The following DNM3 variants were observed in gnomAD, a reference collection of about 807,000 sequenced individuals.
DNM3 encodes dynamin-3.
In DNM3, 47 loss-of-function variants were observed where a neutral mutation model predicts 101.6. The ratio of observed to expected loss-of-function variants is 0.46; its 90% CI spans 0.37 to 0.59. The LOEUF (loss-of-function observed/expected upper bound fraction) is 0.59. Ranked by LOEUF, DNM3 falls within the 20% of genes least tolerant of loss-of-function variation. The probability of loss-of-function intolerance (pLI) is 0.00; values close to 1 mark genes in which losing one functional copy is unlikely to be tolerated. For synonymous variants in DNM3, 385 were observed against 387.9 expected, an observed-to-expected ratio of 0.99 and a Z score of 0.09; for missense variants, 849 against 1,085.7, an observed-to-expected ratio of 0.78 and a Z score of 3.06.
chr1:172,395,003 G>A (rs2149096385), intron 20 of DNM3, among the ~76,000 whole-genome samples: 1 of 152,262 alleles, frequency 6.6e-6, no homozygotes, highest in Admixed American at 6.5e-5. Flanking sequence ...TTTTTACAGG[G>A]AAACCTTCAC....
chr1:172,020,244 C>T (rs548309721), intron 4 of DNM3, among the ~76,000 whole-genome samples: 1 of 152,112 alleles, frequency 6.6e-6, no homozygotes, highest in Non-Finnish European at 1.5e-5. Context: ...TCCTGCCCCA[C>T]CCCTTTAGGT....
intron 1 of DNM3, among the ~76,000 whole-genome samples, chr1:171,845,006 G>A (rs2124955991): frequency 6.6e-6 from 1 of 152,244 alleles, no homozygotes; most frequent in African/African-American, 2.4e-5. Context: ...CCCCAAAGAG[G>A]TAGGTACTCT....
At chr1:172,202,288 T>C (rs1310834817) in intron 14 of DNM3, among the ~76,000 whole-genome samples, 1 of 152,204 alleles carries the variant, frequency 6.6e-6, no homozygotes, top group East Asian at 1.9e-4. Flanking sequence ...ATTGGTATAA[T>C]TTCTTCTCTA....
chr1:172,192,053 G>A (rs2059746720), intron 14 of DNM3, among the ~76,000 whole-genome samples: 1 of 152,144 alleles, frequency 6.6e-6, no homozygotes, highest in Non-Finnish European at 1.5e-5. Flanking sequence ...TGGTGAGAGA[G>A]GGCATCCCTG....
At chr1:171,915,437 A>G (rs980904462) in intron 1 of DNM3, among the ~76,000 whole-genome samples, 2 of 152,148 alleles carry the variant, frequency 1.3e-5, no homozygotes, top group Admixed American at 6.5e-5. Context: ...CAAATAGACA[A>G]GAGAGGGTGA....
intron 14 of DNM3, among the ~76,000 whole-genome samples, chr1:172,215,960 TAA>T (rs35363776): frequency 7.3e-6 from 1 of 136,844 alleles, no homozygotes. Flanking sequence ...ACACTCTCTT[TAA>T]AAAAAAAAGA....
chr1:172,185,330 G>T (rs760594003), intron 14 of DNM3, among the ~76,000 whole-genome samples: 14 of 152,122 alleles, frequency 9.2e-5, no homozygotes, highest in Non-Finnish European at 1.6e-4. Context: ...TCACTGGGGA[G>T]TAGAATTGGA....
At chr1:172,295,495 C>T (rs1573339275) in intron 15 of DNM3, among the ~76,000 whole-genome samples, 2 of 130,720 alleles carry the variant, frequency 1.5e-5, no homozygotes, top group Non-Finnish European at 3.3e-5. Context: ...CTTCTAAATT[C>T]TTCAAGAAGT....
intron 14 of DNM3, among the ~76,000 whole-genome samples, chr1:172,163,218 G>A (rs1387343719): frequency 6.7e-6 from 1 of 149,526 alleles, no homozygotes; most frequent in African/African-American, 2.5e-5. Flanking sequence ...CAAATTTCAA[G>A]TTTACAGTGC....
Position 172,410,894 on chromosome 1 carries a change from T to A in DNM3, c.*3053T>A, listed in dbSNP as rs1016665830. 1 of 985,322 alleles carries A rather than the reference T, an allele frequency of 1.0e-6. No homozygotes were observed. Among genetic ancestry groups the A allele is most frequent in the African/African-American group, 1.7e-5 (1 of 57,350 alleles). 61.0% of individuals were successfully genotyped at this position (985,322 alleles called of 1,614,324 possible). ...TATGAAATGGGACCTAATACCAGTA[T>A]GTGATAAATGTTGATGTTTTCTGTG... On this transcript the variant is annotated 3_prime_UTR_variant, in exon 21 of 21. Transcript: ENST00000627582.
intron 2 of DNM3, among the ~76,000 whole-genome samples, chr1:171,985,030 G>T (rs1393215430): frequency 6.6e-6 from 1 of 152,120 alleles, no homozygotes; most frequent in Non-Finnish European, 1.5e-5. Context: ...TTCCGGAAGG[G>T]CATGTTTCCT....
At chr1:171,963,572 T>C (rs1485502916) in intron 2 of DNM3, among the ~76,000 whole-genome samples, 1 of 152,124 alleles carries the variant, frequency 6.6e-6, no homozygotes, top group Non-Finnish European at 1.5e-5. Context: ...AATGTCCCAC[T>C]CTGGTGATGC....
intron 2 of DNM3, among the ~76,000 whole-genome samples, chr1:171,968,146 G>A (rs2043723545): frequency 6.6e-6 from 1 of 152,158 alleles, no homozygotes. Context: ...GTATACATGT[G>A]CTAAACACAC....
intron 15 of DNM3, among the ~76,000 whole-genome samples, chr1:172,277,122 C>T (rs867662868): frequency 1.1e-4 from 16 of 151,954 alleles, no homozygotes; most frequent in Non-Finnish European, 5.9e-5. Flanking sequence ...TGGTCCTTGT[C>T]CTCTGCATTC....
At position 172,411,607 on chromosome 1, in the gene DNM3, TAAGA is replaced by T; in HGVS notation, c.*3767_*3770del. On this transcript the variant is annotated 3_prime_UTR_variant, in exon 21 of 21. Coordinates refer to ENST00000627582, the MANE Select transcript of DNM3 (RefSeq NM_015569.5). ...TTTCTGAGTAAATTTGCTGAAAATA[TAAGA>T]GAGAAGCTATCTAATACCTTGGAGG... The T allele has an allele frequency of 1.0e-6, 1 of 984,856 alleles. No homozygotes were observed. The highest frequency in any genetic ancestry group is 1.2e-6 in the Non-Finnish European group (1 of 829,748). The allele number at this position is 984,856 out of a possible 1,614,324, so 61.0% of individuals were successfully genotyped here. A position where few individuals can be genotyped will look rare whatever the true frequency, so the allele number is the denominator to read the frequency against.
At chr1:172,167,326 A>C (rs2058785755) in intron 14 of DNM3, among the ~76,000 whole-genome samples, 1 of 151,926 alleles carries the variant, frequency 6.6e-6, no homozygotes, top group South Asian at 2.1e-4. Flanking sequence ...TCATTGTTGG[A>C]CATTTGGGTT....
At chr1:171,950,792 G>A (rs2042471282) in intron 2 of DNM3, among the ~76,000 whole-genome samples, 1 of 152,098 alleles carries the variant, frequency 6.6e-6, no homozygotes, top group Non-Finnish European at 1.5e-5. Flanking sequence ...ACACACGTGT[G>A]TACTTACAAA....
chr1:172,387,094 A>C (rs371537287), intron 18 of DNM3, 39 bp from the exon 19 acceptor site: 9 of 1,550,186 alleles, frequency 5.8e-6, no homozygotes, highest in Non-Finnish European at 8.0e-6. Context: ...TCAGTCACTC[A>C]TTTATTCCCA....
intron 15 of DNM3, among the ~76,000 whole-genome samples, chr1:172,278,801 T>A (rs908469587): frequency 8.5e-5 from 13 of 152,262 alleles, no homozygotes; most frequent in African/African-American, 3.1e-4. Context: ...CAGCACATGC[T>A]GACTAGAGAA....
Sources: allele counts gnomAD v4.1 joint callset (sites outside exome capture counted in the v4.1 genomes callset), GRCh38; gene constraint gnomAD v4.1.1; transcripts MANE v1.5; gene names NCBI Gene and HGNC (gene_info 2026-07-23, HGNC 2026-07-21).